The following CDC42BPA variants were observed in gnomAD, a reference collection of about 807,000 sequenced individuals.
CDC42BPA encodes CDC42 binding protein kinase alpha, also known as serine/threonine-protein kinase MRCK alpha.
A neutral mutation model predicts 223.5 loss-of-function variants in CDC42BPA; 80 were observed. That is an observed-to-expected ratio of 0.36 (90% CI 0.30 to 0.43). The LOEUF (loss-of-function observed/expected upper bound fraction) is 0.43. Among genes scored for constraint, CDC42BPA ranks in the 20% least tolerant of loss-of-function variants. The pLI is 1.00. For synonymous variants in CDC42BPA, 694 were observed against 718.6 expected (o/e 0.97, Z 0.55); for missense variants, 1,743 against 2,099.9 (o/e 0.83, Z 3.32).
chr1:227,218,591 A>G (rs960763671), intron 2 of CDC42BPA, among the ~76,000 whole-genome samples: 2 of 152,202 alleles, frequency 1.3e-5, no homozygotes, highest in South Asian at 2.1e-4. Context: ...GACAAAATTA[A>G]TAAGTAATAG....
At chr1:227,293,917 T>C (rs1041823670) in intron 1 of CDC42BPA, among the ~76,000 whole-genome samples, 3 of 152,208 alleles carry the variant, frequency 2.0e-5, no homozygotes, top group East Asian at 1.9e-4. Context: ...CATTTAATCA[T>C]AGATCAGTTT....
intron 28 of CDC42BPA, 152 bp from the exon 29 acceptor site, chr1:227,030,622 ATC>A (rs1262612398): frequency 1.9e-6 from 1 of 527,034 alleles, no homozygotes; most frequent in Non-Finnish European, 3.4e-6. Context: ...ATACTGGTAA[ATC>A]TCTCATGTCT....
At chr1:227,160,476 GAT>G in intron 6 of CDC42BPA, 65 bp downstream of exon 6, 1 of 1,001,766 alleles carries the variant, frequency 1.0e-6, no homozygotes, top group Non-Finnish European at 1.6e-6. Context: ...TTCTAAAACA[GAT>G]ATATCAGACA....
chr1:227,264,280 A>C (rs550253897), intron 1 of CDC42BPA, among the ~76,000 whole-genome samples: 28 of 152,312 alleles, frequency 1.8e-4, no homozygotes, highest in African/African-American at 5.8e-4. Flanking sequence ...AATTCCAAAC[A>C]TAATGAGCAG....
chr1:227,118,881 A>C (rs144624304), intron 12 of CDC42BPA, among the ~76,000 whole-genome samples: 1 of 152,156 alleles, frequency 6.6e-6, no homozygotes, highest in Admixed American at 6.5e-5. Flanking sequence ...AACCTCATTA[A>C]GCAGAAAGTA....
In CDC42BPA at chr1:227,112,506, G is replaced by A. The variant is rs1687098629; in HGVS notation, c.1891-84C>T. 5 of 1,067,498 alleles carry A rather than the reference G, an allele frequency of 4.7e-6. No individual in the cohort carries two copies. In the Admixed American group the frequency reaches 1.1e-4, roughly 22 times the overall value. 66.1% of individuals were successfully genotyped at this position (1,067,498 alleles called of 1,614,324 possible). A position where few individuals can be genotyped will look rare whatever the true frequency, so the allele number is the denominator to read the frequency against. On this transcript the variant is annotated intron_variant, in intron 13 of 36. Transcript: ENST00000366766. ...ATTTATCCCAATGAGAATTTACCTT[G>A]TAACAGGAAGATAATTCAAATGTTT... is the stretch of plus-strand genomic sequence containing the variant.
intron 16 of CDC42BPA, among the ~76,000 whole-genome samples, chr1:227,087,825 T>C (rs1228055873): frequency 6.6e-6 from 1 of 152,252 alleles, no homozygotes; most frequent in Non-Finnish European, 1.5e-5. Flanking sequence ...TTCTTCATAT[T>C]AGCATAGCCA....
intron 6 of CDC42BPA, among the ~76,000 whole-genome samples, chr1:227,150,016 A>C (rs1381838511): frequency 2.0e-5 from 3 of 151,954 alleles, no homozygotes; most frequent in African/African-American, 7.2e-5. Flanking sequence ...TTGAGCTCAG[A>C]AGTTGGAGAC....
chr1:227,155,949 C>T (rs1299892891), intron 6 of CDC42BPA, among the ~76,000 whole-genome samples: 1 of 151,966 alleles, frequency 6.6e-6, no homozygotes, highest in African/African-American at 2.4e-5. Context: ...AATAAATAAT[C>T]AAGAGACAGC....
At position 226,992,368 on chromosome 1, in the gene CDC42BPA, G is replaced by C. The variant is rs934972609; in HGVS notation, c.*1900C>G. 7 of 152,260 alleles carry C rather than the reference G, an allele frequency of 4.6e-5. No homozygotes were observed. Among genetic ancestry groups the C allele is most frequent in the Admixed American group, 1.3e-4 (2 of 15,296 alleles). The allele number at this position is 152,260 out of a possible 1,614,324, so 9.4% of individuals were successfully genotyped here. A position where few individuals can be genotyped will look rare whatever the true frequency, so the allele number is the denominator to read the frequency against. ...CTCAGAATGTTTAAATGTCAAAGCT[G>C]TTACATGAAAATTCCCGATTATAGG... On this transcript the variant is annotated 3_prime_UTR_variant, in exon 37 of 37. Coordinates refer to ENST00000366766, the MANE Select transcript of CDC42BPA (RefSeq NM_001394014.1).
chr1:227,069,641 A>G (rs910014601), intron 21 of CDC42BPA, 136 bp downstream of exon 21: 17 of 584,340 alleles, frequency 2.9e-5, no homozygotes, highest in African/African-American at 5.7e-5. Flanking sequence ...TCCTCTGCTA[A>G]TATGTTTTTG....
chr1:227,051,900 C>T lies in CDC42BPA; in HGVS notation c.2990G>A (p.Ser997Asn). Reference protein sequence around the residue: ...QSRSTSPSTSSEAEPVKTVDS... With the variant: ...QSRSTSPSTSNEAEPVKTVDS... ...AGGCACCTTAACTGGCTCAGCTTCA[C>T]TAGATGTGGAAGGAGATGTGGACCG... Residue 997 changes from serine to asparagine, a missense_variant, in exon 22 of 37, where the codon AGT becomes AAT. Transcript: ENST00000366766. 7.3e-7 allele frequency: 1 copy of T among 1,366,134 alleles called. No homozygotes were observed. The highest frequency in any genetic ancestry group is 9.8e-7 in the Non-Finnish European group (1 of 1,021,532). The allele number at this position is 1,366,134 out of a possible 1,614,324, so 84.6% of individuals were successfully genotyped here.
chr1:227,229,639 T>C (rs1041002025), intron 2 of CDC42BPA, among the ~76,000 whole-genome samples: 2 of 152,220 alleles, frequency 1.3e-5, no homozygotes, highest in South Asian at 4.1e-4. Context: ...TCCATGAATA[T>C]GCAATGTCTT....
chr1:227,127,932 G>A (rs981604207), intron 11 of CDC42BPA, among the ~76,000 whole-genome samples: 3 of 151,994 alleles, frequency 2.0e-5, no homozygotes, highest in Admixed American at 1.3e-4. Flanking sequence ...CACCATTCTC[G>A]TTAAAATAGT....
At chr1:227,084,759 C>A (rs189031135) in intron 16 of CDC42BPA, among the ~76,000 whole-genome samples, 2 of 152,066 alleles carry the variant, frequency 1.3e-5, no homozygotes, top group East Asian at 3.9e-4. Flanking sequence ...GATAAAAGGG[C>A]CATGTGATTG....
At chr1:227,313,168 G>A (rs1305333405) in intron 1 of CDC42BPA, among the ~76,000 whole-genome samples, 2 of 151,998 alleles carry the variant, frequency 1.3e-5, no homozygotes. Flanking sequence ...ATATAAAAGG[G>A]TGATGTTCCT....
intron 1 of CDC42BPA, among the ~76,000 whole-genome samples, chr1:227,304,078 G>A (rs898828405): frequency 2.0e-5 from 3 of 152,140 alleles, no homozygotes; most frequent in African/African-American, 7.2e-5. Context: ...CCAACTGCTA[G>A]GGGATAATAA....
intron 21 of CDC42BPA, chr1:227,059,223 C>T: frequency 1.5e-6 from 1 of 666,542 alleles, no homozygotes; most frequent in Non-Finnish European, 2.6e-6. Context: ...ATAAAAGCAG[C>T]ACAGCAACAG....
chr1:227,185,152 ATT>A (rs35695051), intron 5 of CDC42BPA, among the ~76,000 whole-genome samples: 57 of 150,862 alleles, frequency 3.8e-4, no homozygotes, highest in Admixed American at 1.2e-3. Context: ...TTTACAAGAA[ATT>A]TTTTTTTTTA....
Sources: gnomAD v4.1 joint callset for allele counts (sites outside exome capture counted in the v4.1 genomes callset) on GRCh38, gnomAD v4.1.1 for gene constraint, MANE v1.5 for transcripts, NCBI Gene and HGNC (gene_info 2026-07-23, HGNC 2026-07-21) for gene names.